The following SLC36A3 variants were observed in gnomAD, a reference collection of about 807,000 sequenced individuals.
SLC36A3 encodes the protein solute carrier family 36 member 3, also known as proton-coupled amino acid transporter 3.
Under a neutral mutation model 44.3 loss-of-function variants are expected in SLC36A3, and 35 were observed. That is an observed-to-expected ratio of 0.79 (90% CI 0.60 to 1.05). SLC36A3 has a LOEUF of 1.05. Ranked by LOEUF, SLC36A3 falls within the 50% of genes least tolerant of loss-of-function variation. SLC36A3 has a pLI of 0.00. For synonymous variants in SLC36A3, 211 were observed against 227.6 expected (o/e 0.93, Z 0.66); for missense variants, 540 against 578.7 (o/e 0.93, Z 0.69).
At chr5:151,281,584 G>A (rs1419945241) in intron 8 of SLC36A3, among the ~76,000 whole-genome samples, 4 of 152,154 alleles carry the variant, frequency 2.6e-5, no homozygotes, top group Admixed American at 6.5e-5. Flanking sequence ...TTGAGAGGCC[G>A]AGGCGAGTGG....
intron 9 of SLC36A3, among the ~76,000 whole-genome samples, chr5:151,277,915 T>C (rs546288415): frequency 6.6e-6 from 1 of 152,294 alleles, no homozygotes; most frequent in East Asian, 1.9e-4. Flanking sequence ...ACCACTTACC[T>C]GTTAATAACC....
intron 3 of SLC36A3, among the ~76,000 whole-genome samples, chr5:151,295,926 C>T (rs1754942427): frequency 6.6e-6 from 1 of 152,198 alleles, no homozygotes; most frequent in Non-Finnish European, 1.5e-5. Flanking sequence ...TCGATGCTTT[C>T]AGTTAAGGAG....
intron 4 of SLC36A3, among the ~76,000 whole-genome samples, chr5:151,292,415 G>A (rs1379903228): frequency 1.3e-5 from 2 of 152,086 alleles, no homozygotes; most frequent in Non-Finnish European, 2.9e-5. Flanking sequence ...CCAATGTTAG[G>A]TTCTTGGTCA....
chr5:151,295,344 G>C (rs1754922549), intron 3 of SLC36A3, among the ~76,000 whole-genome samples: 1 of 152,212 alleles, frequency 6.6e-6, no homozygotes. Flanking sequence ...CAAGGCTCTT[G>C]GCACGATAAC....
chr5:151,299,629 G>T (rs545776391), intron 1 of SLC36A3, among the ~76,000 whole-genome samples: 4 of 152,080 alleles, frequency 2.6e-5, no homozygotes, highest in African/African-American at 9.6e-5. Context: ...GAATCAAAAA[G>T]GAACTTAAAT....
intron 1 of SLC36A3, among the ~76,000 whole-genome samples, chr5:151,302,944 G>T (rs562434606): frequency 6.6e-6 from 1 of 152,128 alleles, no homozygotes; most frequent in Non-Finnish European, 1.5e-5. Flanking sequence ...AGGGAGGAAG[G>T]AAAGGGCAGA....
chr5:151,298,793 A>G, intron 1 of SLC36A3, 110 bp from the exon 2 acceptor site: 1 of 981,136 alleles, frequency 1.0e-6, no homozygotes, highest in South Asian at 1.4e-5. Context: ...GAAGAGGGGC[A>G]AAACCTGATG....
intron 8 of SLC36A3, among the ~76,000 whole-genome samples, chr5:151,281,911 T>C (rs1457389071): frequency 6.6e-6 from 1 of 152,194 alleles, no homozygotes; most frequent in Non-Finnish European, 1.5e-5. Flanking sequence ...CCACCCTTGA[T>C]TCCTAGCTTC....
At chr5:151,288,290 C>G (rs1754621215) in intron 5 of SLC36A3, 96 bp downstream of exon 5, 1 of 876,480 alleles carries the variant, frequency 1.1e-6, no homozygotes, top group East Asian at 2.9e-5. Context: ...ATGAAGTTCT[C>G]TCCTCCCATG....
Position 151,293,435 on chromosome 5 carries a change from A to G in SLC36A3, c.333T>C (p.Tyr111=), listed in dbSNP as rs201564299. The change falls in exon 4 of 10, where the codon TAT becomes TAC. Residue 111 remains tyrosine, a synonymous_variant. Transcript: ENST00000335230. ...SQRLQKTFVN[Y]GEATMYGLET... ...CAAGGCCGTACATCGTGGCCTCTCC[A>G]TAGTTCACAAAAGTCTTCTGCAGTC... The G allele has an allele frequency of 1.5e-5, 25 of 1,613,560 alleles. No homozygotes were observed. In the East Asian group the frequency reaches 5.4e-4, roughly 35 times the overall value.
chr5:151,285,539 T>G (rs549959100), intron 6 of SLC36A3, among the ~76,000 whole-genome samples: 1 of 152,330 alleles, frequency 6.6e-6, no homozygotes, highest in East Asian at 1.9e-4. Flanking sequence ...GGGGAATGAT[T>G]ATGTTAATAG....
intron 4 of SLC36A3, 65 bp downstream of exon 4, chr5:151,293,299 G>A: frequency 7.3e-7 from 1 of 1,378,148 alleles, no homozygotes; most frequent in East Asian, 2.4e-5. Flanking sequence ...ACCTGTGTAA[G>A]TAGAAATAAA....
intron 4 of SLC36A3, among the ~76,000 whole-genome samples, chr5:151,291,350 G>A (rs1234994452): frequency 4.6e-5 from 7 of 152,072 alleles, no homozygotes. Flanking sequence ...AAAAATATCT[G>A]TCTTACAGTT....
At chr5:151,287,572 C>A in intron 5 of SLC36A3, 108 bp from the exon 6 acceptor site, 1 of 996,740 alleles carries the variant, frequency 1.0e-6, no homozygotes, top group Non-Finnish European at 1.5e-6. Flanking sequence ...TAAATATGCC[C>A]CAAATATTGC....
At position 151,298,603 on chromosome 5, in the gene SLC36A3, G is replaced by A. The variant is rs779480584; in HGVS notation, c.209C>T (p.Ala70Val). Residue 70 changes from alanine to valine, a missense_variant, in exon 2 of 10, where the codon GCC becomes GTC. Physicochemically the swap from Ala to Val is moderately conservative, Grantham distance 64. Transcript: ENST00000335230. ...ACAGATGCCTCTTACCAACAAGCCG[G>A]CATTCTTTATGGCCAGGGGAAGCCC... ...LLGLPLAIKN[A>V]GLLVGPVSLL... The A allele has an allele frequency of 1.2e-6, 2 of 1,614,114 alleles. No homozygotes were observed. The highest frequency in any genetic ancestry group is 1.1e-5 in the South Asian group (1 of 91,078).
intron 9 of SLC36A3, among the ~76,000 whole-genome samples, chr5:151,279,844 A>T (rs187193602): frequency 2.0e-4 from 31 of 152,308 alleles, no homozygotes; most frequent in Non-Finnish European, 4.1e-4. Context: ...TCCTTCAATG[A>T]CTTTAAATTC....
At chr5:151,289,247 C>T (rs1305693555) in intron 4 of SLC36A3, among the ~76,000 whole-genome samples, 1 of 152,056 alleles carries the variant, frequency 6.6e-6, no homozygotes, top group African/African-American at 2.4e-5. Context: ...AGACCCCTTA[C>T]AAATTCAAAA....
At chr5:151,290,834 G>A (rs1323486205) in intron 4 of SLC36A3, among the ~76,000 whole-genome samples, 2 of 152,006 alleles carry the variant, frequency 1.3e-5, no homozygotes, top group African/African-American at 4.8e-5. Flanking sequence ...GGTGGAGCTT[G>A]CAGTGAGCCG....
chr5:151,284,293 C>T (rs561321801), intron 7 of SLC36A3, 83 bp from the exon 8 acceptor site: 1 of 1,388,942 alleles, frequency 7.2e-7, no homozygotes, highest in East Asian at 2.3e-5. Flanking sequence ...CGTACAAGCA[C>T]AAATGTCCTT....
Sources: allele counts gnomAD v4.1 joint callset (sites outside exome capture counted in the v4.1 genomes callset), GRCh38; gene constraint gnomAD v4.1.1; transcripts MANE v1.5; gene names NCBI Gene and HGNC (gene_info 2026-07-23, HGNC 2026-07-21).